Variants in SMG6 observed in about 807,000 individuals in gnomAD.
SMG6 encodes SMG6 nonsense mediated mRNA decay factor, also known as telomerase-binding protein EST1A.
A neutral mutation model predicts 142.2 loss-of-function variants in SMG6; 66 were observed. That is an observed-to-expected ratio of 0.46 (90% CI 0.38 to 0.57). SMG6 has a LOEUF of 0.57. Among genes scored for constraint, SMG6 ranks in the 20% least tolerant of loss-of-function variants. SMG6 has a pLI of 0.00. For missense variants in SMG6, 1,793 were observed against 1,832.0 expected (o/e 0.98, Z 0.39); for synonymous variants, 779 against 702.4 (o/e 1.11, Z -1.72).
chr17:2,149,003 G>A (rs1300149478), intron 13 of SMG6, among the ~76,000 whole-genome samples: 3 of 152,108 alleles, frequency 2.0e-5, no homozygotes, highest in Non-Finnish European at 4.4e-5. Flanking sequence ...TTGTGGTGAT[G>A]GCTACACAAC....
At chr17:2,066,306 A>G (rs1162337395) in intron 16 of SMG6, among the ~76,000 whole-genome samples, 3 of 150,988 alleles carry the variant, frequency 2.0e-5, no homozygotes, top group African/African-American at 7.3e-5. Context: ...GCGTGTGTAC[A>G]TGTATGTGTG....
At chr17:2,293,289 C>T (rs2075079567) in intron 4 of SMG6, among the ~76,000 whole-genome samples, 1 of 152,172 alleles carries the variant, frequency 6.6e-6, no homozygotes, top group Non-Finnish European at 1.5e-5. Context: ...GGAGATCTGA[C>T]TCTACGGAAT....
intron 13 of SMG6, among the ~76,000 whole-genome samples, chr17:2,091,759 C>G (rs1282538125): frequency 1.3e-5 from 2 of 151,626 alleles, no homozygotes; most frequent in Non-Finnish European, 2.9e-5. Context: ...CAAGCTCTGC[C>G]TCCCGCGTTC....
At position 2,211,053 on chromosome 17, in the gene SMG6, C is replaced by T. The variant is rs140931453; in HGVS notation, c.2870-22538G>A. On this transcript the variant is annotated intron_variant, in intron 10 of 18. Coordinates refer to ENST00000263073, the MANE Select transcript of SMG6 (RefSeq NM_017575.5). ...TACCAAATTCCAACCTCAGTCAAAC[C>T]GATGGACTTTCAAATACATAGAACT... Among the ~76,000 whole-genome samples the T allele has an allele frequency of 5.2e-4, 78 of 148,646 alleles. 1 individual carries two copies. The Middle Eastern group carries it at 0.014, about 27-fold the overall frequency.
At chr17:2,195,352 G>A (rs992347335) in intron 10 of SMG6, among the ~76,000 whole-genome samples, 4 of 152,132 alleles carry the variant, frequency 2.6e-5, no homozygotes, top group Non-Finnish European at 5.9e-5. Context: ...CCACCTCAAT[G>A]GACAGGGTAC....
At chr17:2,088,228 G>A (rs1334391878) in intron 13 of SMG6, 1 of 985,300 alleles carries the variant, frequency 1.0e-6, no homozygotes, top group African/African-American at 1.7e-5. Flanking sequence ...ATGGTATGCT[G>A]CGTGGCTAAG....
At chr17:2,176,731 C>T (rs2071663783) in intron 12 of SMG6, among the ~76,000 whole-genome samples, 1 of 152,154 alleles carries the variant, frequency 6.6e-6, no homozygotes, top group South Asian at 2.1e-4. Context: ...CCCCACAGAA[C>T]ACACCACACA....
chr17:2,269,904 C>A (rs114965845), intron 8 of SMG6, among the ~76,000 whole-genome samples: 1 of 152,140 alleles, frequency 6.6e-6, no homozygotes, highest in Non-Finnish European at 1.5e-5. Context: ...TGGCTCACGC[C>A]TGTAATCCTA....
chr17:2,235,441 G>T (rs1237051835), intron 10 of SMG6, among the ~76,000 whole-genome samples: 1 of 152,136 alleles, frequency 6.6e-6, no homozygotes, highest in Non-Finnish European at 1.5e-5. Flanking sequence ...ACAACCAAGT[G>T]AAGCATAACC....
chr17:2,088,656 C>T (rs773784933), intron 13 of SMG6: 18 of 985,374 alleles, frequency 1.8e-5, no homozygotes, highest in Non-Finnish European at 2.2e-5. Context: ...CTTTGCAATC[C>T]AAGCAGCAGG....
intron 13 of SMG6, among the ~76,000 whole-genome samples, chr17:2,164,591 G>C (rs913059939): frequency 2.0e-5 from 3 of 152,132 alleles, no homozygotes; most frequent in Non-Finnish European, 2.9e-5. Context: ...CTGAGTGACA[G>C]AGTAAGAGAG....
At chr17:2,064,947 C>T (rs1283447743) in intron 18 of SMG6, 126 bp downstream of exon 18, 2 of 743,284 alleles carry the variant, frequency 2.7e-6, no homozygotes, top group Non-Finnish European at 4.6e-6. Context: ...CATACATCAG[C>T]CCTGAGCACT....
chr17:2,061,432 T>A lies in SMG6; in HGVS notation c.*60A>T. 1 of 1,484,350 alleles carries A rather than the reference T, an allele frequency of 6.7e-7. No homozygotes were observed. The highest frequency in any genetic ancestry group is 2.0e-5 in the Admixed American group (1 of 49,670). 91.9% of individuals were successfully genotyped at this position (1,484,350 alleles called of 1,614,324 possible). A position where few individuals can be genotyped will look rare whatever the true frequency, so the allele number is the denominator to read the frequency against. ...CACGTGGGCATCTTCCGTGCTACAC[T>A]GGGCGCCTGGTGGCCTTTCAGGAAC... On this transcript the variant is annotated 3_prime_UTR_variant, in exon 19 of 19. Transcript: ENST00000263073.
intron 8 of SMG6, 114 bp downstream of exon 8, chr17:2,282,533 T>C: frequency 1.3e-5 from 12 of 955,366 alleles, no homozygotes; most frequent in Non-Finnish European, 2.0e-5. Flanking sequence ...GAGCCTCAAG[T>C]GGTTTGTCTT....
At chr17:2,118,073 T>C (rs1245242046) in intron 13 of SMG6, among the ~76,000 whole-genome samples, 1 of 151,646 alleles carries the variant, frequency 6.6e-6, no homozygotes, top group Non-Finnish European at 1.5e-5. Flanking sequence ...TGAGACCCCA[T>C]TTCTATAAAA....
chr17:2,279,345 G>A (rs1447482373), intron 8 of SMG6, among the ~76,000 whole-genome samples: 8 of 152,222 alleles, frequency 5.3e-5, no homozygotes, highest in Non-Finnish European at 1.0e-4. Flanking sequence ...AAAAGTGTAA[G>A]ATTTGAAGTA....
intron 15 of SMG6, among the ~76,000 whole-genome samples, chr17:2,075,037 G>A (rs2068218081): frequency 6.6e-6 from 1 of 152,234 alleles, no homozygotes; most frequent in African/African-American, 2.4e-5. Context: ...AAGGGCGGAT[G>A]CCCGCTCCAC....
intron 10 of SMG6, among the ~76,000 whole-genome samples, chr17:2,189,273 A>T (rs572148601): frequency 6.6e-6 from 1 of 152,168 alleles, no homozygotes; most frequent in Non-Finnish European, 1.5e-5. Flanking sequence ...GGTCACCGAA[A>T]GGAGCCATCT....
intron 13 of SMG6, among the ~76,000 whole-genome samples, chr17:2,142,705 G>C (rs1446854917): frequency 2.0e-5 from 3 of 151,708 alleles, no homozygotes; most frequent in Admixed American, 1.3e-4. Flanking sequence ...CCAACATGGA[G>C]AAACCCCGTC....
Sources: gnomAD v4.1 joint callset for allele counts (sites outside exome capture counted in the v4.1 genomes callset) on GRCh38, gnomAD v4.1.1 for gene constraint, MANE v1.5 for transcripts, NCBI Gene and HGNC (gene_info 2026-07-23, HGNC 2026-07-21) for gene names.